The following TMCC1 variants were observed in gnomAD, a reference collection of about 807,000 sequenced individuals.
TMCC1 encodes transmembrane and coiled-coil domain family 1, also known as transmembrane and coiled-coil domains protein 1.
Under a neutral mutation model 52.4 loss-of-function variants are expected in TMCC1, and 15 were observed. The observed-to-expected ratio is 0.29, with a 90% CI of 0.19 to 0.44. The LOEUF is 0.44. Among genes scored for constraint, TMCC1 ranks in the 20% least tolerant of loss-of-function variants. The pLI, the probability that TMCC1 is intolerant of heterozygous loss-of-function variation, is 1.00. For synonymous variants in TMCC1, 279 were observed against 301.9 expected (o/e 0.92, Z 0.79); for missense variants, 503 against 806.0 (o/e 0.62, Z 4.55).
At chr3:129,690,025 C>T (rs2089676027) in intron 4 of TMCC1, among the ~76,000 whole-genome samples, 1 of 152,164 alleles carries the variant, frequency 6.6e-6, no homozygotes, top group Non-Finnish European at 1.5e-5. Flanking sequence ...GACAATCATC[C>T]TTATTGTAGA....
chr3:129,801,632 TA>T (rs1429625406), intron 4 of TMCC1, among the ~76,000 whole-genome samples: 1 of 152,146 alleles, frequency 6.6e-6, no homozygotes, highest in Non-Finnish European at 1.5e-5. Flanking sequence ...CTAATTTTTG[TA>T]TTTTGTTGGC....
chr3:129,817,904 C>T (rs934839400), intron 4 of TMCC1, among the ~76,000 whole-genome samples: 9 of 152,082 alleles, frequency 5.9e-5, no homozygotes, highest in African/African-American at 2.2e-4. Context: ...CCTCTGCCTC[C>T]CAAGTTCAAG....
intron 4 of TMCC1, among the ~76,000 whole-genome samples, chr3:129,672,554 T>C (rs1271141625): frequency 2.0e-5 from 3 of 152,088 alleles, no homozygotes; most frequent in Non-Finnish European, 4.4e-5. Context: ...GAGCTATGAC[T>C]GCACCACTGC....
At chr3:129,764,292 A>G (rs2053896627) in intron 4 of TMCC1, among the ~76,000 whole-genome samples, 1 of 152,252 alleles carries the variant, frequency 6.6e-6, no homozygotes, top group Admixed American at 6.5e-5. Context: ...CTAGGCCTCA[A>G]GATAAAAATT....
rs534436777 is a variant in TMCC1 at position 129,887,881 on chromosome 3, A to C, written c.-435+5613T>G. Among the ~76,000 whole-genome samples the C allele has an allele frequency of 2.0e-5, 3 of 152,344 alleles. No individual in the cohort carries two copies. In the South Asian group the frequency reaches 6.2e-4, roughly 32 times the overall value. On this transcript the variant is annotated intron_variant, in intron 1 of 6. Coordinates refer to ENST00000393238, the MANE Select transcript of TMCC1 (RefSeq NM_001017395.5). ...TTTATATCACAAAGAATAAACTTTA[A>C]TGTGTGCAAATTCTTAAGTAATTAG...
intron 4 of TMCC1, among the ~76,000 whole-genome samples, chr3:129,795,544 A>AGT (rs1461982724): frequency 1.3e-5 from 2 of 152,216 alleles, no homozygotes; most frequent in Non-Finnish European, 2.9e-5. Context: ...GTTGGAATGA[A>AGT]CCTACTATGT....
At chr3:129,715,935 C>T (rs2049047545) in intron 4 of TMCC1, among the ~76,000 whole-genome samples, 1 of 151,900 alleles carries the variant, frequency 6.6e-6, no homozygotes, top group Admixed American at 6.6e-5. Flanking sequence ...TTTTTTCTCT[C>T]TTCTCATTCC....
chr3:129,818,966 T>C (rs2058270372), intron 4 of TMCC1: 1 of 153,074 alleles, frequency 6.5e-6, no homozygotes. Flanking sequence ...TACAACTAAT[T>C]GATCACAACC....
intron 6 of TMCC1, among the ~76,000 whole-genome samples, chr3:129,653,644 G>A (rs1283079918): frequency 6.6e-6 from 1 of 151,914 alleles, no homozygotes; most frequent in Non-Finnish European, 1.5e-5. Flanking sequence ...GGGTTTCACC[G>A]TGTTAGGATG....
At position 129,670,899 on chromosome 3, in the gene TMCC1, G is replaced by T. The variant is rs755525399; in HGVS notation, c.942C>A (p.Ile314=). The T allele has an allele frequency of 1.2e-6, 2 of 1,614,160 alleles. No individual in the cohort carries two copies. Among genetic ancestry groups the T allele is most frequent in the Non-Finnish European group, 1.7e-6 (2 of 1,180,030 alleles). The change falls in exon 5 of 7, where the codon ATC becomes ATA. Residue 314 remains isoleucine (I), a synonymous_variant. Coordinates refer to ENST00000393238, the MANE Select transcript of TMCC1 (RefSeq NM_001017395.5). The part of the protein sequence containing the change: ...RKLREVEQNG[I]PRQPKDVFRD... Reference sequence around the variant, plus strand: ...TGAAGACATCCTTTGGCTGCCGGGGGATCCCATTCTGCTCTACCTCTCTGA... The same window carrying T: ...TGAAGACATCCTTTGGCTGCCGGGGTATCCCATTCTGCTCTACCTCTCTGA...
At chr3:129,791,925 T>C (rs1010783876) in intron 4 of TMCC1, among the ~76,000 whole-genome samples, 1 of 152,172 alleles carries the variant, frequency 6.6e-6, no homozygotes, top group African/African-American at 2.4e-5. Flanking sequence ...ACTATCAACC[T>C]TAACATAAAA....
At chr3:129,870,704 A>C (rs2107961922) in intron 2 of TMCC1, among the ~76,000 whole-genome samples, 2 of 62,830 alleles carry the variant, frequency 3.2e-5, no homozygotes, top group African/African-American at 1.3e-4. Context: ...GTGCCACTGC[A>C]CTCCGCGGGT....
At chr3:129,716,661 A>G (rs1240514041) in intron 4 of TMCC1, among the ~76,000 whole-genome samples, 2 of 151,846 alleles carry the variant, frequency 1.3e-5, no homozygotes, top group African/African-American at 4.8e-5. Context: ...AGCCACTTTT[A>G]CAACCTAGTT....
At chr3:129,860,819 C>G (rs1002386310) in intron 2 of TMCC1, 1 of 152,036 alleles carries the variant, frequency 6.6e-6, no homozygotes, top group South Asian at 2.1e-4. Context: ...AGCCTGGTCT[C>G]GGATTCCTGA....
At chr3:129,780,097 C>G (rs1385354871) in intron 4 of TMCC1, among the ~76,000 whole-genome samples, 1 of 152,100 alleles carries the variant, frequency 6.6e-6, no homozygotes, top group Non-Finnish European at 1.5e-5. Flanking sequence ...CATCTTTTTA[C>G]CTTATCACCC....
Position 129,671,264 on chromosome 3 carries a change from T to C in TMCC1, c.577A>G (p.Ile193Val). 6.2e-7 allele frequency: 1 copy of C among 1,604,146 alleles called. No individual in the cohort carries two copies. The highest frequency in any genetic ancestry group is 8.5e-7 in the Non-Finnish European group (1 of 1,174,226). Residue 193 changes from isoleucine (I) to valine (V), a missense_variant and splice_region_variant, in exon 5 of 7, where the codon ATC becomes GTC. By Grantham distance (29) the Ile-to-Val change is conservative. Transcript: ENST00000393238. ...AGGCTGCTTACTTCCAACCGTTCGA[T>C]CTAGTGTAAAAACAAGAGGTACATG... ...LPGEEGTAER[I>V]ERLEVSSLAQ...
chr3:129,885,108 C>T (rs555495750), intron 1 of TMCC1, among the ~76,000 whole-genome samples: 11 of 152,000 alleles, frequency 7.2e-5, no homozygotes, highest in South Asian at 6.3e-4. Context: ...CACTGCACTC[C>T]AGCCTGGGTG....
intron 4 of TMCC1, among the ~76,000 whole-genome samples, chr3:129,752,112 C>G (rs2052580388): frequency 6.6e-6 from 1 of 152,200 alleles, no homozygotes; most frequent in Non-Finnish European, 1.5e-5. Flanking sequence ...CCTCCCAACA[C>G]AGCAATCCTC....
intron 4 of TMCC1, among the ~76,000 whole-genome samples, chr3:129,712,082 C>A (rs1304222090): frequency 6.7e-6 from 1 of 149,936 alleles, no homozygotes. Context: ...GAGGCTGAGG[C>A]AGGAGAATCA....
Sources: gnomAD v4.1 joint callset for allele counts (sites outside exome capture counted in the v4.1 genomes callset) on GRCh38, gnomAD v4.1.1 for gene constraint, MANE v1.5 for transcripts, NCBI Gene and HGNC (gene_info 2026-07-23, HGNC 2026-07-21) for gene names.